The following FNIP1 variants were observed in gnomAD, a reference collection of about 807,000 sequenced individuals.
FNIP1 encodes the protein folliculin-interacting protein 1.
In FNIP1, 40 loss-of-function variants were observed where a neutral mutation model predicts 124.5. The ratio of observed to expected loss-of-function variants is 0.32; its 90% CI spans 0.25 to 0.42. FNIP1 has a LOEUF of 0.42. FNIP1 is among the 10% of genes least tolerant of loss of function. FNIP1 has a pLI of 1.00. For synonymous variants in FNIP1, 472 were observed against 470.6 expected (o/e 1.00, Z -0.04); for missense variants, 1,176 against 1,403.7 (o/e 0.84, Z 2.59).
At chr5:131,708,447 T>C (rs985865251) in intron 8 of FNIP1, among the ~76,000 whole-genome samples, 1 of 152,178 alleles carries the variant, frequency 6.6e-6, no homozygotes, top group African/African-American at 2.4e-5. Context: ...CAACAAACAC[T>C]TTTCCTTTTA....
chr5:131,790,203 G>C (rs1001924563), intron 1 of FNIP1, among the ~76,000 whole-genome samples: 4 of 152,160 alleles, frequency 2.6e-5, no homozygotes, highest in Non-Finnish European at 5.9e-5. Flanking sequence ...AGCTATAATG[G>C]ATATAAAGTG....
intron 5 of FNIP1, among the ~76,000 whole-genome samples, chr5:131,718,289 A>G (rs1306142082): frequency 6.6e-6 from 1 of 152,142 alleles, no homozygotes; most frequent in Non-Finnish European, 1.5e-5. Context: ...TTTTTAAGGC[A>G]TTAACAATTA....
At chr5:131,740,916 A>G (rs1289521343) in intron 2 of FNIP1, among the ~76,000 whole-genome samples, 3 of 151,944 alleles carry the variant, frequency 2.0e-5, no homozygotes, top group African/African-American at 7.3e-5. Flanking sequence ...TCACTACTAC[A>G]CTCCCACCAG....
At chr5:131,775,559 G>A (rs1169062015) in intron 1 of FNIP1, among the ~76,000 whole-genome samples, 3 of 132,782 alleles carry the variant, frequency 2.3e-5, no homozygotes, top group Admixed American at 8.1e-5. Context: ...AAGGAGTTTC[G>A]CTCTTTCGTC....
At chr5:131,723,743 A>G (rs1029966975) in intron 3 of FNIP1, among the ~76,000 whole-genome samples, 3 of 152,140 alleles carry the variant, frequency 2.0e-5, no homozygotes, top group African/African-American at 7.2e-5. Context: ...TAGTTCTGGG[A>G]TACATGTGCA....
intron 10 of FNIP1, among the ~76,000 whole-genome samples, chr5:131,699,999 T>C (rs1768844262): frequency 1.3e-5 from 2 of 151,808 alleles, no homozygotes; most frequent in South Asian, 4.2e-4. Flanking sequence ...CTTTTTTTTT[T>C]TTTTAAGACA....
intron 1 of FNIP1, among the ~76,000 whole-genome samples, chr5:131,746,576 T>A (rs1017972204): frequency 6.6e-6 from 1 of 152,240 alleles, no homozygotes; most frequent in African/African-American, 2.4e-5. Flanking sequence ...GGCCTCCAGC[T>A]GCCTTCGTGT....
rs1012500808 is a variant in FNIP1, at chr5:131,697,801, A to C, written c.1202+1116T>G. Among the ~76,000 whole-genome samples the C allele has an allele frequency of 3.3e-5, 5 of 151,548 alleles. No individual in the cohort carries two copies. The East Asian group carries it at 7.8e-4, about 24-fold the overall frequency. On this transcript the variant is annotated intron_variant, in intron 11 of 17. Transcript: ENST00000510461. The stretch of plus-strand genomic sequence containing the variant: ...GCCAACATGGTGAAACCCCGTCTCT[A>C]CTAAAAATAAAAAAAAAATTAGCCA...
At chr5:131,724,748 T>C (rs1404786460) in intron 3 of FNIP1, among the ~76,000 whole-genome samples, 1 of 152,236 alleles carries the variant, frequency 6.6e-6, no homozygotes, top group Non-Finnish European at 1.5e-5. Flanking sequence ...CCATTGCTTT[T>C]GCTGTTTTAG....
At chr5:131,744,442 C>T in intron 2 of FNIP1, 122 bp downstream of exon 2, 1 of 940,512 alleles carries the variant, frequency 1.1e-6, no homozygotes, top group Non-Finnish European at 1.5e-6. Context: ...ACATTTCCTT[C>T]TCCCTCAGCC....
chr5:131,663,150 G>A (rs1767493837), intron 15 of FNIP1, among the ~76,000 whole-genome samples: 2 of 152,096 alleles, frequency 1.3e-5, no homozygotes. Context: ...TCACATAGAA[G>A]GTTACCTCTA....
chr5:131,780,581 G>T (rs576752607), intron 1 of FNIP1, among the ~76,000 whole-genome samples: 3 of 151,608 alleles, frequency 2.0e-5, no homozygotes, highest in Admixed American at 2.0e-4. Flanking sequence ...TCACATTTTG[G>T]TAATTCTAAA....
chr5:131,652,908 G>T (rs189069102), intron 15 of FNIP1, among the ~76,000 whole-genome samples: 178 of 152,226 alleles, frequency 1.2e-3, no homozygotes, highest in Admixed American at 3.9e-3. Context: ...AGATTGCAGT[G>T]ATCTAAAACT....
chr5:131,743,229 A>G (rs1347425106), intron 2 of FNIP1, among the ~76,000 whole-genome samples: 1 of 152,178 alleles, frequency 6.6e-6, no homozygotes, highest in Non-Finnish European at 1.5e-5. Context: ...AATAAAATAA[A>G]TGAGACTGGA....
intron 13 of FNIP1, among the ~76,000 whole-genome samples, chr5:131,675,441 T>C (rs371024094): frequency 1.1e-4 from 16 of 152,188 alleles, no homozygotes; most frequent in African/African-American, 2.4e-4. Flanking sequence ...CAACAAATGA[T>C]TGTAGAATTA....
Position 131,709,408 on chromosome 5 carries a change from C to G in FNIP1, c.707-136G>C, listed in dbSNP as rs890080537. ...TTTTTTTCAATAGCATGGCACCAAC[C>G]CAACACCAAGAGCTATTACTCAGTT... On this transcript the variant is annotated intron_variant, in intron 7 of 17. Coordinates refer to ENST00000510461, the MANE Select transcript of FNIP1 (RefSeq NM_133372.3). 12 of 678,268 alleles carry G rather than the reference C, an allele frequency of 1.8e-5. No homozygotes were observed. The Admixed American group carries it at 2.9e-4, about 16-fold the overall frequency. 42.0% of individuals were successfully genotyped at this position (678,268 alleles called of 1,614,324 possible).
At chr5:131,763,654 A>T (rs1249642064) in intron 1 of FNIP1, among the ~76,000 whole-genome samples, 1 of 152,110 alleles carries the variant, frequency 6.6e-6, no homozygotes, top group East Asian at 1.9e-4. Context: ...ACCAAGCCCT[A>T]CCTCCAACAC....
intron 6 of FNIP1, among the ~76,000 whole-genome samples, chr5:131,711,487 T>C (rs1185683840): frequency 1.3e-5 from 2 of 152,224 alleles, no homozygotes. Context: ...AAAGTGACAA[T>C]TGCATGTTTC....
At chr5:131,722,656 A>G (rs1769706870) in intron 3 of FNIP1, among the ~76,000 whole-genome samples, 1 of 152,208 alleles carries the variant, frequency 6.6e-6, no homozygotes, top group Non-Finnish European at 1.5e-5. Context: ...AAGTAGCAAC[A>G]CATTTTTTAA....
Sources: allele counts gnomAD v4.1 joint callset (sites outside exome capture counted in the v4.1 genomes callset), GRCh38; gene constraint gnomAD v4.1.1; transcripts MANE v1.5; gene names NCBI Gene and HGNC (gene_info 2026-07-23, HGNC 2026-07-21).